Variants in TUBA1B observed in about 807,000 individuals in gnomAD.
TUBA1B encodes tubulin alpha-1B chain.
In TUBA1B, 1 loss-of-function variant was observed where a neutral mutation model predicts 34.4. The ratio of observed to expected loss-of-function variants is 0.03; its 90% CI spans 0.01 to 0.14. The LOEUF (loss-of-function observed/expected upper bound fraction) is 0.14. TUBA1B is among the 10% of genes least tolerant of loss of function. The probability of loss-of-function intolerance (pLI) is 1.00; values close to 1 mark genes in which losing one functional copy is unlikely to be tolerated. For missense variants in TUBA1B, 54 were observed against 583.6 expected (o/e 0.09, Z 9.35); for synonymous variants, 197 against 212.5 (o/e 0.93, Z 0.64).
intron 1 of TUBA1B, chr12:49,130,391 C>T: frequency 7.8e-7 from 1 of 1,285,248 alleles, no homozygotes; most frequent in Non-Finnish European, 1.0e-6. Flanking sequence ...GCTCTTGCGC[C>T]CCCCGGCGGT....
chr12:49,130,399 G>A (rs1941789303), intron 1 of TUBA1B: 1 of 1,279,622 alleles, frequency 7.8e-7, no homozygotes, highest in Non-Finnish European at 1.0e-6. Flanking sequence ...GCCCCCCGGC[G>A]GTGCTGCAGA....
rs1941805548 is a variant in TUBA1B at position 49,131,291 on chromosome 12, TACTC to T, written c.3+3_3+6del. ...GAAAGCAGCCGGGAGCCGCACGGCT[TACTC>T]ACCATAGTGGCTAGGGATTAGGAGG... On this transcript the variant is annotated splice_donor_5th_base_variant and intron_variant, in intron 1 of 3. Transcript: ENST00000336023. The T allele has an allele frequency of 1.9e-6, 3 of 1,610,770 alleles. No individual in the cohort carries two copies. The highest frequency in any genetic ancestry group is 2.7e-5 in the African/African-American group (2 of 75,004).
rs1290846061 is a variant in TUBA1B at position 49,129,641 on chromosome 12, C to T, written c.85G>A (p.Gly29Ser). ...GGCATCTGGCCATCGGGCTGGATGC[C>T]GTGTTCCAGGCAGTAGAGCTCCCAG... The part of the protein sequence containing the change: ...ACWELYCLEH[G>S]IQPDGQMPSD... Residue 29 changes from glycine (G) to serine (S), a missense_variant, in exon 2 of 4, where the codon GGC (glycine) becomes AGC (serine). Coordinates refer to ENST00000336023, the MANE Select transcript of TUBA1B (RefSeq NM_006082.3). 1.2e-6 allele frequency: 2 copies of T among 1,614,068 alleles called. No homozygotes were observed. The highest frequency in any genetic ancestry group is 1.3e-5 in the African/African-American group (1 of 74,930).
rs2121161906 is a variant in TUBA1B at position 49,127,942 on chromosome 12, C to T, written c.*16G>A. ...CTGGGAGCATGACATGCTGCAGGGCCAAAAGGAATGGATAATTAGTATTCC... is the reference window on the plus strand; with the variant it reads ...CTGGGAGCATGACATGCTGCAGGGCTAAAAGGAATGGATAATTAGTATTCC... On this transcript the variant is annotated 3_prime_UTR_variant, in exon 4 of 4. Transcript: ENST00000336023. The T allele has an allele frequency of 2.5e-6, 4 of 1,613,978 alleles. No homozygotes were observed. The highest frequency in any genetic ancestry group is 3.4e-6 in the Non-Finnish European group (4 of 1,179,892).
chr12:49,130,814 G>A lies in TUBA1B; in HGVS notation c.3+484C>T, dbSNP rs563386148. 4.7e-5 allele frequency: 8 copies of A among 168,946 alleles called. No individual in the cohort carries two copies. The South Asian group carries it at 9.5e-4, about 20-fold the overall frequency. The allele number at this position is 168,946 out of a possible 1,614,324, so 10.5% of individuals were successfully genotyped here. On this transcript the variant is annotated intron_variant, in intron 1 of 3. Transcript: ENST00000336023. ...GAGCGCATGCGCAAAGCGCAGTGGCGGTTTCCCGCCCAGGAGCGGCGGGAA... is the reference window on the plus strand; with the variant it reads ...GAGCGCATGCGCAAAGCGCAGTGGCAGTTTCCCGCCCAGGAGCGGCGGGAA...
At chr12:49,129,774 T>A in intron 1 of TUBA1B, 52 bp from the exon 2 acceptor site, 1 of 1,611,938 alleles carries the variant, frequency 6.2e-7, no homozygotes, top group Non-Finnish European at 8.5e-7. Flanking sequence ...TTGATGACTG[T>A]CAAGTGGAAC....
rs558154114 is a variant in TUBA1B at position 49,129,187 on chromosome 12, A to G, written c.375+55T>C. 7 of 1,612,010 alleles carry G rather than the reference A, an allele frequency of 4.3e-6. No homozygotes were observed. The African/African-American group carries it at 9.4e-5, about 22-fold the overall frequency. On this transcript the variant is annotated intron_variant, in intron 3 of 3. Coordinates refer to ENST00000336023, the MANE Select transcript of TUBA1B (RefSeq NM_006082.3). ...TGAATGATGTCAGTCACTCCACCCAACTTGCACTGGAACTATCACACCACA... is the reference window on the plus strand; with the variant it reads ...TGAATGATGTCAGTCACTCCACCCAGCTTGCACTGGAACTATCACACCACA...
chr12:49,131,136 A>T, intron 1 of TUBA1B, 162 bp downstream of exon 1: 1 of 776,514 alleles, frequency 1.3e-6, no homozygotes, highest in Non-Finnish European at 2.1e-6. Context: ...ACACACACCG[A>T]GGTCTCACCA....
At position 49,129,828 on chromosome 12, in the gene TUBA1B, C is replaced by T. The variant is rs1237037146; in HGVS notation, c.4-106G>A. On this transcript the variant is annotated intron_variant, in intron 1 of 3. Transcript: ENST00000336023. Reference sequence around the variant, plus strand: ...TTATTTTTTTAGAGATAAGGTCTGTCGCCCAGGCTTGAGTGCAGTGATGCC... The same window carrying T: ...TTATTTTTTTAGAGATAAGGTCTGTTGCCCAGGCTTGAGTGCAGTGATGCC... 9.2e-6 allele frequency: 14 copies of T among 1,524,946 alleles called. No individual in the cohort carries two copies. The East Asian group carries it at 2.2e-4, about 24-fold the overall frequency. The allele number at this position is 1,524,946 out of a possible 1,614,324, so 94.5% of individuals were successfully genotyped here.
At chr12:49,129,194 C>T in intron 3 of TUBA1B, 48 bp downstream of exon 3, 4 of 1,612,386 alleles carry the variant, frequency 2.5e-6, no homozygotes, top group South Asian at 1.1e-5. Context: ...CCAACTTGCA[C>T]TGGAACTATC....
chr12:49,129,218 T>C, intron 3 of TUBA1B, 24 bp downstream of exon 3: 1 of 1,613,194 alleles, frequency 6.2e-7, no homozygotes, highest in Non-Finnish European at 8.5e-7. Flanking sequence ...CCACATTAAA[T>C]GCATATTTAT....
intron 1 of TUBA1B, 72 bp downstream of exon 1, chr12:49,131,226 G>T: frequency 1.9e-6 from 3 of 1,554,490 alleles, no homozygotes; most frequent in East Asian, 2.3e-5. Flanking sequence ...CTGTATACAG[G>T]GCCCCAGCGC....
chr12:49,131,286 C>A lies in TUBA1B; in HGVS notation c.3+12G>T. The A allele has an allele frequency of 6.2e-7, 1 of 1,609,884 alleles. No homozygotes were observed. Among genetic ancestry groups the A allele is most frequent in the East Asian group, 2.2e-5 (1 of 44,780 alleles). ...TCCCTGAAAGCAGCCGGGAGCCGCA[C>A]GGCTTACTCACCATAGTGGCTAGGG... On this transcript the variant is annotated intron_variant, in intron 1 of 3. Transcript: ENST00000336023.
At position 49,128,509 on chromosome 12, in the gene TUBA1B, G is replaced by A. The variant is rs781366441; in HGVS notation, c.805C>T (p.Leu269=). ...LVPYPRIHFP[L]ATYAPVISAE... ...GAGATGACAGGGGCATATGTGGCCA[G>A]AGGGAAGTGGATGCGGGGGTAGGGC... Residue 269 remains leucine, a synonymous_variant, in exon 4 of 4, where the codon CTG becomes TTG. Coordinates refer to ENST00000336023, the MANE Select transcript of TUBA1B (RefSeq NM_006082.3). The surrounding 1 kb of genome is among the most constrained non-coding windows in gnomAD (Gnocchi z 8.1). 5.6e-6 allele frequency: 9 copies of A among 1,613,868 alleles called. No individual in the cohort carries two copies. The African/African-American group carries it at 8.0e-5, about 14-fold the overall frequency.
At position 49,128,225 on chromosome 12, in the gene TUBA1B, C is replaced by T. The variant is rs372076083; in HGVS notation, c.1089G>A (p.Val363=). ...GTACCTTGGCCAGGTCTCCACCAGG[C>T]ACCACAGTGGGAGGCTGGTAGTTGA... ...VGINYQPPTV[V]PGGDLAKVQR... Residue 363 remains valine, a synonymous_variant, in exon 4 of 4, where the codon GTG becomes GTA. Coordinates refer to ENST00000336023, the MANE Select transcript of TUBA1B (RefSeq NM_006082.3). The surrounding 1 kb of genome is among the most constrained non-coding windows in gnomAD (Gnocchi z 8.1). The T allele has an allele frequency of 1.2e-6, 2 of 1,614,086 alleles. No homozygotes were observed. Among genetic ancestry groups the T allele is most frequent in the African/African-American group, 1.3e-5 (1 of 74,928 alleles).
In TUBA1B at chr12:49,131,284, C is replaced by G. The variant is rs369811695; in HGVS notation, c.3+14G>C. The stretch of plus-strand genomic sequence containing the variant: ...CTTCCCTGAAAGCAGCCGGGAGCCG[C>G]ACGGCTTACTCACCATAGTGGCTAG... On this transcript the variant is annotated intron_variant, in intron 1 of 3. Transcript: ENST00000336023. 1.2e-6 allele frequency: 2 copies of G among 1,609,702 alleles called. No individual in the cohort carries two copies. The highest frequency in any genetic ancestry group is 3.4e-5 in the Admixed American group (2 of 59,428).
Position 49,129,401 on chromosome 12 carries a change from G to A in TUBA1B, c.227-11C>T, listed in dbSNP as rs377597056. ...CAGTGCGAACTTCATCTGGAGGAGG[G>A]AGAGAAGGACGGAGGGAGTGAGTGA... On this transcript the variant is annotated splice_polypyrimidine_tract_variant and intron_variant, in intron 2 of 3. Transcript: ENST00000336023. 430 of 1,614,074 alleles carry A rather than the reference G, an allele frequency of 2.7e-4. 1 individual carries two copies. The highest frequency in any genetic ancestry group is 3.3e-4 in the Non-Finnish European group (388 of 1,180,010).
intron 3 of TUBA1B, 115 bp from the exon 4 acceptor site, chr12:49,129,053 G>A: frequency 6.6e-7 from 1 of 1,515,772 alleles, no homozygotes; most frequent in Non-Finnish European, 8.8e-7. Context: ...ACAAGGAATT[G>A]GCAAAACAGA....
rs187122560 is a variant in TUBA1B, at chr12:49,127,927, G to A, written c.*31C>T. 4.0e-4 allele frequency: 642 copies of A among 1,613,936 alleles called. 2 individuals carry two copies. The highest frequency in any genetic ancestry group is 2.6e-3 in the Admixed American group (156 of 60,006). On this transcript the variant is annotated 3_prime_UTR_variant, in exon 4 of 4. Coordinates refer to ENST00000336023, the MANE Select transcript of TUBA1B (RefSeq NM_006082.3). Reference sequence around the variant, plus strand: ...GCTGAAGCTGAAATTCTGGGAGCATGACATGCTGCAGGGCCAAAAGGAATG... The same window carrying A: ...GCTGAAGCTGAAATTCTGGGAGCATAACATGCTGCAGGGCCAAAAGGAATG...
Sources: allele counts gnomAD v4.1 joint callset, GRCh38; gene constraint gnomAD v4.1.1; non-coding constraint Gnocchi (gnomAD v3.1); transcripts MANE v1.5; gene names NCBI Gene and HGNC (gene_info 2026-07-23, HGNC 2026-07-21).